The following ADAMTS3 variants were observed in gnomAD, a reference collection of about 807,000 sequenced individuals.
The protein encoded by ADAMTS3 is A disintegrin and metalloproteinase with thrombospondin motifs 3.
Under a neutral mutation model 129.0 loss-of-function variants are expected in ADAMTS3, and 73 were observed. The ratio of observed to expected loss-of-function variants is 0.57; its 90% CI spans 0.47 to 0.69. ADAMTS3 has a LOEUF of 0.69. Among genes scored for constraint, ADAMTS3 ranks in the 30% least tolerant of loss-of-function variants. The pLI is 0.00. For missense variants in ADAMTS3, 1,457 were observed against 1,514.5 expected (o/e 0.96, Z 0.63); for synonymous variants, 477 against 510.8 (o/e 0.93, Z 0.89).
At chr4:72,290,319 T>A (rs901520427) in intron 20 of ADAMTS3, among the ~76,000 whole-genome samples, 2 of 152,160 alleles carry the variant, frequency 1.3e-5, no homozygotes, top group African/African-American at 4.8e-5. Flanking sequence ...CAGGAGGAAC[T>A]GCCAGGAAAG....
At chr4:72,560,849 A>C (rs544657070) in intron 2 of ADAMTS3, among the ~76,000 whole-genome samples, 1 of 152,316 alleles carries the variant, frequency 6.6e-6, no homozygotes, top group East Asian at 1.9e-4. Flanking sequence ...TTAAAATTAA[A>C]ATTAAATTTT....
At chr4:72,520,757 G>T (rs1720646765) in intron 3 of ADAMTS3, among the ~76,000 whole-genome samples, 1 of 152,062 alleles carries the variant, frequency 6.6e-6, no homozygotes, top group African/African-American at 2.4e-5. Context: ...CCCTTTCCTT[G>T]ACCAGGAAAG....
chr4:72,414,625 T>C (rs1722258937), intron 4 of ADAMTS3, among the ~76,000 whole-genome samples, 190 bp downstream of exon 4: 1 of 151,990 alleles, frequency 6.6e-6, no homozygotes. Flanking sequence ...GGAATAAATA[T>C]CTGTAACATA....
At chr4:72,316,026 C>T in intron 10 of ADAMTS3, 55 bp from the exon 11 acceptor site, 3 of 1,059,694 alleles carry the variant, frequency 2.8e-6, no homozygotes, top group Non-Finnish European at 4.3e-6. Context: ...TGACATGCAC[C>T]AAAAATATAT....
intron 5 of ADAMTS3, among the ~76,000 whole-genome samples, chr4:72,324,679 T>C (rs930007318): frequency 2.8e-4 from 42 of 152,254 alleles, no homozygotes; most frequent in African/African-American, 9.1e-4. Context: ...AATACAATCT[T>C]GGATTGCATA....
intron 3 of ADAMTS3, among the ~76,000 whole-genome samples, chr4:72,473,838 G>A (rs1719149470): frequency 6.6e-6 from 1 of 152,224 alleles, no homozygotes; most frequent in Admixed American, 6.5e-5. Context: ...TGGTTTCAAA[G>A]GAGGCAGAGT....
At chr4:72,502,741 C>G (rs996711328) in intron 3 of ADAMTS3, among the ~76,000 whole-genome samples, 1 of 152,052 alleles carries the variant, frequency 6.6e-6, no homozygotes, top group Non-Finnish European at 1.5e-5. Flanking sequence ...TTATTACACT[C>G]TAAGTTCTGG....
intron 6 of ADAMTS3, among the ~76,000 whole-genome samples, chr4:72,322,469 G>GA (rs1012036559): frequency 4.6e-5 from 7 of 152,004 alleles, no homozygotes; most frequent in African/African-American, 1.7e-4. Flanking sequence ...CTTTGCTTTT[G>GA]AAAAAATTAA....
intron 3 of ADAMTS3, among the ~76,000 whole-genome samples, chr4:72,463,136 A>G (rs1036754177): frequency 2.0e-5 from 3 of 152,054 alleles, no homozygotes; most frequent in Middle Eastern, 3.4e-3. Flanking sequence ...CTGTGTTATA[A>G]CTGCCTACAG....
At chr4:72,377,538 C>T (rs1021894038) in intron 4 of ADAMTS3, among the ~76,000 whole-genome samples, 17 of 152,314 alleles carry the variant, frequency 1.1e-4, no homozygotes, top group South Asian at 8.3e-4. Flanking sequence ...GGAGAGAAGA[C>T]ACAGTAGTCC....
intron 3 of ADAMTS3, among the ~76,000 whole-genome samples, chr4:72,425,886 C>A (rs1254914925): frequency 1.1e-4 from 17 of 151,252 alleles, no homozygotes; most frequent in Admixed American, 2.6e-4. Flanking sequence ...ATTTCTAGTT[C>A]TAGATCCCTG....
chr4:72,382,214 T>C, intron 4 of ADAMTS3, among the ~76,000 whole-genome samples: 1 of 152,110 alleles, frequency 6.6e-6, no homozygotes, highest in Non-Finnish European at 1.5e-5. Flanking sequence ...TAGTTAATGA[T>C]AAAATCAAGA....
intron 7 of ADAMTS3, 81 bp from the exon 8 acceptor site, chr4:72,320,044 G>T: frequency 8.6e-7 from 1 of 1,164,766 alleles, no homozygotes; most frequent in Non-Finnish European, 1.3e-6. Context: ...TGCCTAGGGG[G>T]AAAAAAGTAA....
intron 13 of ADAMTS3, 137 bp from the exon 14 acceptor site, chr4:72,311,318 T>C: frequency 1.3e-6 from 1 of 753,734 alleles, no homozygotes; most frequent in Non-Finnish European, 2.0e-6. Flanking sequence ...ACAAATAAAA[T>C]AAGGAGTAAG....
At chr4:72,400,838 T>C (rs1199278775) in intron 4 of ADAMTS3, among the ~76,000 whole-genome samples, 1 of 151,390 alleles carries the variant, frequency 6.6e-6, no homozygotes. Flanking sequence ...GGTGTGTATA[T>C]ATATGTGTAT....
At chr4:72,376,340 T>C (rs938249185) in intron 4 of ADAMTS3, among the ~76,000 whole-genome samples, 1 of 152,164 alleles carries the variant, frequency 6.6e-6, no homozygotes, top group African/African-American at 2.4e-5. Context: ...AGGGCAGCTC[T>C]TTGGGGTTTC....
intron 4 of ADAMTS3, among the ~76,000 whole-genome samples, chr4:72,381,951 C>T (rs1379000451): frequency 2.0e-5 from 3 of 152,126 alleles, no homozygotes; most frequent in Non-Finnish European, 4.4e-5. Flanking sequence ...GGAATGCTCA[C>T]CAGAAGATTC....
chr4:72,340,906 T>C (rs189363556), intron 4 of ADAMTS3, among the ~76,000 whole-genome samples: 5 of 152,332 alleles, frequency 3.3e-5, no homozygotes, highest in Admixed American at 2.6e-4. Flanking sequence ...AAGGATTTTA[T>C]TTTATAAGCT....
chr4:72,521,879 C>A (rs1174737086), intron 3 of ADAMTS3, among the ~76,000 whole-genome samples: 1 of 152,160 alleles, frequency 6.6e-6, no homozygotes, highest in Non-Finnish European at 1.5e-5. Context: ...CAACAAGTTT[C>A]CAGGCCATTT....
Sources: gnomAD v4.1 joint callset for allele counts (sites outside exome capture counted in the v4.1 genomes callset) on GRCh38, gnomAD v4.1.1 for gene constraint, MANE v1.5 for transcripts, NCBI Gene and HGNC (gene_info 2026-07-23, HGNC 2026-07-21) for gene names.